AAK1: variants seen among roughly 807,000 people sequenced by gnomAD.
The protein encoded by AAK1 is AP2 associated kinase 1.
In AAK1, 37 loss-of-function variants were observed where a neutral mutation model predicts 116.0. The observed-to-expected ratio is 0.32, with a 90% CI of 0.25 to 0.42. The LOEUF (loss-of-function observed/expected upper bound fraction) is 0.42, where lower values mean the gene tolerates loss of function less well. AAK1 is among the 10% of genes least tolerant of loss of function. The pLI is 1.00. For synonymous variants in AAK1, 458 were observed against 439.9 expected (o/e 1.04, Z -0.51); for missense variants, 919 against 1,170.6 (o/e 0.79, Z 3.14).
intron 16 of AAK1, among the ~76,000 whole-genome samples, chr2:69,504,397 CAAAAAAAAA>C (rs57214954): frequency 1.7e-5 from 1 of 57,776 alleles, no homozygotes; most frequent in Non-Finnish European, 3.2e-5. Context: ...GACTCCATCT[CAAAAAAAAA>C]AAAAAAAAAA....
intron 11 of AAK1, among the ~76,000 whole-genome samples, chr2:69,519,620 C>T (rs17036697): frequency 0.02 from 3,082 of 152,330 alleles, 97 homozygotes; most frequent in African/African-American, 0.07. Context: ...CCCTGGTGTT[C>T]TACATGTAGC....
intron 17 of AAK1, among the ~76,000 whole-genome samples, chr2:69,493,788 G>A (rs13402770): frequency 0.044 from 6,769 of 152,244 alleles, 400 homozygotes; most frequent in East Asian, 0.19. Context: ...TTTAAGCTGA[G>A]ACCCACAGGT....
At position 69,527,202 on chromosome 2, in the gene AAK1, C is replaced by G. The variant is rs771466160; in HGVS notation, c.975+14G>C. The G allele has an allele frequency of 1.3e-6, 2 of 1,557,788 alleles. No individual in the cohort carries two copies. Among genetic ancestry groups the G allele is most frequent in the East Asian group, 2.3e-5 (1 of 44,234 alleles). Reference sequence around the variant, plus strand: ...GATAATGTTTACTCCCTTTAAATAGCACCATTCACGTACCTGTACATTTGG... The same window carrying G: ...GATAATGTTTACTCCCTTTAAATAGGACCATTCACGTACCTGTACATTTGG... On this transcript the variant is annotated intron_variant, in intron 9 of 21. Coordinates refer to ENST00000409085, the MANE Select transcript of AAK1 (RefSeq NM_014911.5).
At chr2:69,495,517 C>T (rs1460848683) in intron 17 of AAK1, among the ~76,000 whole-genome samples, 1 of 152,148 alleles carries the variant, frequency 6.6e-6, no homozygotes, top group Non-Finnish European at 1.5e-5. Flanking sequence ...CCCTAATTAT[C>T]ATTATGTGTT....
At chr2:69,519,444 A>G (rs1216933002) in intron 11 of AAK1, among the ~76,000 whole-genome samples, 1 of 152,226 alleles carries the variant, frequency 6.6e-6, no homozygotes, top group Non-Finnish European at 1.5e-5. Context: ...CAAATTTTTC[A>G]AAACAAGGTT....
intron 3 of AAK1, among the ~76,000 whole-genome samples, chr2:69,553,630 C>T (rs72837959): frequency 0.52 from 77,901 of 151,004 alleles, 22,110 homozygotes; most frequent in East Asian, 0.77. Flanking sequence ...TTTTAGTAGA[C>T]AAGGGTTTCC....
chr2:69,528,956 T>G (rs1022828194), intron 8 of AAK1, among the ~76,000 whole-genome samples: 3 of 138,102 alleles, frequency 2.2e-5, no homozygotes, highest in Non-Finnish European at 4.9e-5. Flanking sequence ...AATCCAACAA[T>G]TATTAAATGT....
At position 69,470,865 on chromosome 2, in the gene AAK1, A is replaced by G; in HGVS notation, c.*5004T>C. 1 of 985,886 alleles carries G rather than the reference A, an allele frequency of 1.0e-6. No homozygotes were observed. The highest frequency in any genetic ancestry group is 1.2e-6 in the Non-Finnish European group (1 of 829,940). The allele number at this position is 985,886 out of a possible 1,614,324, so 61.1% of individuals were successfully genotyped here. A position where few individuals can be genotyped will look rare whatever the true frequency, so the allele number is the denominator to read the frequency against. On this transcript the variant is annotated 3_prime_UTR_variant, in exon 22 of 22. Transcript: ENST00000409085. ...CCTTTCTGCAAAAAAGTGGGTTTTC[A>G]GCTCAGGAAAAGAGCAACTTATTTT... is the stretch of plus-strand genomic sequence containing the variant.
chr2:69,596,927 G>A (rs1673321852), intron 2 of AAK1, among the ~76,000 whole-genome samples: 1 of 152,120 alleles, frequency 6.6e-6, no homozygotes, highest in Non-Finnish European at 1.5e-5. Flanking sequence ...GGTGGTGGGG[G>A]AGTAGAAGGC....
In AAK1 at chr2:69,482,989, T is replaced by A. The variant is rs532496696; in HGVS notation, c.2366-177A>T. Among the ~76,000 whole-genome samples, 9 of 152,310 alleles carry A rather than the reference T, an allele frequency of 5.9e-5. No homozygotes were observed. The South Asian group carries it at 1.9e-3, about 32-fold the overall frequency. On this transcript the variant is annotated intron_variant, in intron 17 of 21. Transcript: ENST00000409085. ...CAACAGGTTTTCAAAATTGGAAGTT[T>A]AAAAATGATTACTTCCTCAAGTGAA... is the stretch of plus-strand genomic sequence containing the variant.
In AAK1 at chr2:69,461,499, C is replaced by CAAAAAAAAAAAAA. The variant is rs571167118; in HGVS notation, c.*14357_*14369dup. On this transcript the variant is annotated 3_prime_UTR_variant, in exon 22 of 22. Transcript: ENST00000409085. ...AAGTCAAAGTTTTTTCATGCATCAC[C>CAAAAAAAAAAAAA]AAAAAAAAAAAAAAAAGTAATTTGC... is the stretch of plus-strand genomic sequence containing the variant. 6.5e-6 allele frequency: 1 copy of CAAAAAAAAAAAAA among 154,128 alleles called. No homozygotes were observed. The allele number at this position is 154,128 out of a possible 1,614,324, so 9.5% of individuals were successfully genotyped here.
In AAK1 at chr2:69,584,808, C is replaced by T. The variant is rs186689807; in HGVS notation, c.164-27830G>A. On this transcript the variant is annotated intron_variant, in intron 2 of 21. Transcript: ENST00000409085. ...TTCAACCCCAGGCACTCAGAGACCT[C>T]GATTACTCACCAGGAAATCTAAAGC... Among the ~76,000 whole-genome samples, 13 of 152,250 alleles carry T rather than the reference C, an allele frequency of 8.5e-5. No individual in the cohort carries two copies. In the East Asian group the frequency reaches 2.3e-3, roughly 27 times the overall value.
chr2:69,530,121 T>C lies in AAK1; in HGVS notation c.758A>G (p.Tyr253Cys). 1 of 1,609,304 alleles carries C rather than the reference T, an allele frequency of 6.2e-7. No homozygotes were observed. ...ADIWALGCLL[Y>C]KLCYFTLPFG... ...TGGCAAAGTGAAGTAGCATAATTTATACAACAAACATCCAAGAGCCTAAAA... is the reference window on the plus strand; with the variant it reads ...TGGCAAAGTGAAGTAGCATAATTTACACAACAAACATCCAAGAGCCTAAAA... The change falls in exon 8 of 22, where the codon TAT (tyrosine) becomes TGT (cysteine). Residue 253 changes from tyrosine to cysteine, a missense_variant. This residue lies in a region of AAK1 where 317 missense variants were observed against 490.4 expected (regional missense o/e 0.65). Transcript: ENST00000409085.
At position 69,642,957 on chromosome 2, in the gene AAK1, C is replaced by T; in HGVS notation, c.84G>A (p.Ser28=). The change falls in exon 2 of 22, where the codon TCG becomes TCA. Residue 28 remains serine (S), a synonymous_variant. Transcript: ENST00000409085. ...TTCCGATGTAGCCACTGCCCAGGCC[C>T]GAGGTGCTGCCCCCTCCTCCGCTGG... ...SGSSGGGGST[S]GLGSGYIGRV... 1 of 1,613,648 alleles carries T rather than the reference C, an allele frequency of 6.2e-7. No individual in the cohort carries two copies. The highest frequency in any genetic ancestry group is 8.5e-7 in the Non-Finnish European group (1 of 1,179,810).
chr2:69,500,063 T>A (rs889625138), intron 16 of AAK1: 4 of 152,212 alleles, frequency 2.6e-5, no homozygotes, highest in Non-Finnish European at 4.4e-5. Flanking sequence ...ACCATACAAA[T>A]GTTTAATATA....
chr2:69,541,380 G>A (rs1221215513), intron 5 of AAK1, among the ~76,000 whole-genome samples: 3 of 151,862 alleles, frequency 2.0e-5, no homozygotes, highest in South Asian at 2.1e-4. Flanking sequence ...ATAGGCATGC[G>A]CTACTACACC....
intron 2 of AAK1, among the ~76,000 whole-genome samples, chr2:69,599,630 TA>T (rs778164625): frequency 2.0e-5 from 3 of 152,232 alleles, no homozygotes; most frequent in Non-Finnish European, 2.9e-5. Flanking sequence ...ATAGCTCCAT[TA>T]ATGTAAAGTC....
intron 3 of AAK1, among the ~76,000 whole-genome samples, chr2:69,547,370 G>A (rs574736010): frequency 1.8e-3 from 281 of 152,218 alleles, no homozygotes; most frequent in Non-Finnish European, 2.6e-3. Flanking sequence ...CATCTGATAA[G>A]GATTTAGTGT....
intron 11 of AAK1, 148 bp from the exon 12 acceptor site, chr2:69,519,388 G>C (rs1406635055): frequency 5.1e-6 from 6 of 1,166,852 alleles, no homozygotes; most frequent in Non-Finnish European, 6.9e-6. Flanking sequence ...CACATGCTCT[G>C]TCCCACCTGG....
Sources: allele counts gnomAD v4.1 joint callset (sites outside exome capture counted in the v4.1 genomes callset), GRCh38; gene constraint gnomAD v4.1.1; regional missense constraint gnomAD v4.1.1; transcripts MANE v1.5; gene names NCBI Gene and HGNC (gene_info 2026-07-23, HGNC 2026-07-21).